PPP2R1B: variants seen among roughly 807,000 people sequenced by gnomAD.
PPP2R1B encodes protein phosphatase 2 scaffold subunit Abeta, also known as serine/threonine-protein phosphatase 2A 65 kDa regulatory subunit A beta isoform.
Under a neutral mutation model 72.7 loss-of-function variants are expected in PPP2R1B, and 58 were observed. The observed-to-expected ratio is 0.80, with a 90% CI of 0.65 to 0.99. The LOEUF is 0.99. PPP2R1B is among the 50% of genes least tolerant of loss of function. PPP2R1B has a pLI of 0.00. For missense variants in PPP2R1B, 695 were observed against 733.6 expected (o/e 0.95, Z 0.61); for synonymous variants, 256 against 264.6 (o/e 0.97, Z 0.32).
At position 111,757,329 on chromosome 11, in the gene PPP2R1B, A is replaced by C. The variant is rs369189076; in HGVS notation, c.688-1879T>G. Reference sequence around the variant, plus strand: ...GACATAACAGTGACTCCAACTTCCAAAATATTACAAATCTTAGAAACTGTG... The same window carrying C: ...GACATAACAGTGACTCCAACTTCCACAATATTACAAATCTTAGAAACTGTG... On this transcript the variant is annotated intron_variant, in intron 5 of 14. Transcript: ENST00000527614. Among the ~76,000 whole-genome samples, 63 of 152,244 alleles carry C rather than the reference A, an allele frequency of 4.1e-4. 2 individuals are homozygous for C. In the South Asian group the frequency reaches 0.013, roughly 32 times the overall value.
Position 111,742,113 on chromosome 11 carries a change from G to A in PPP2R1B, c.1729C>T (p.Gln577Ter). ...ALQGEVKPVLQKLGQDEDMDV... is the reference protein window; with the variant it reads ...ALQGEVKPVL ...ATGTCTTCATCTTGACCTAACTTCT[G>A]TAGTACTGGCTTCACTTCTCCCTGT... is the stretch of plus-strand genomic sequence containing the variant. The change falls in exon 14 of 15, where the codon CAG (glutamine) becomes TAG (stop). Residue 577 changes from glutamine (Q) to a stop codon, truncating the protein, a stop_gained. Coordinates refer to ENST00000527614, the MANE Select transcript of PPP2R1B (RefSeq NM_002716.5). LOFTEE classifies it high-confidence loss of function. 1.2e-6 allele frequency: 2 copies of A among 1,613,752 alleles called. No individual in the cohort carries two copies. Among genetic ancestry groups the A allele is most frequent in the Non-Finnish European group, 1.7e-6 (2 of 1,179,768 alleles).
rs1477162063 is a variant in PPP2R1B, at chr11:111,738,554, T to A, written c.*3042A>T. The A allele has an allele frequency of 3.0e-6, 3 of 985,330 alleles. No individual in the cohort carries two copies. Among genetic ancestry groups the A allele is most frequent in the Non-Finnish European group, 2.4e-6 (2 of 829,960 alleles). The allele number at this position is 985,330 out of a possible 1,614,324, so 61.0% of individuals were successfully genotyped here. On this transcript the variant is annotated 3_prime_UTR_variant, in exon 15 of 15. Coordinates refer to ENST00000527614, the MANE Select transcript of PPP2R1B (RefSeq NM_002716.5). ...ATGCCTGGACAAGCCAGCTCAAAGG[T>A]CAGGCTGCCGTCTCTGTTGAGTCAG...
chr11:111,704,912 T>TG, the PPP2R1B span: 1 of 1,470,226 alleles, frequency 6.8e-7, no homozygotes, highest in Non-Finnish European at 9.0e-7. Flanking sequence ...TCTTTCCTCT[T>TG]TTTTTTTAGG....
chr11:111,724,403 C>A (rs1451940353), downstream of PPP2R1B: 3 of 471,970 alleles, frequency 6.4e-6, no homozygotes, highest in African/African-American at 5.8e-5. Flanking sequence ...GAGGGCAGCA[C>A]TGACAAATGT....
rs150951744 is a variant in PPP2R1B, at chr11:111,762,635, G to A, written c.307-1584C>T. Among the ~76,000 whole-genome samples the A allele has an allele frequency of 3.2e-3, 478 of 151,148 alleles. 4 individuals are homozygous for A. The highest frequency in any genetic ancestry group is 0.011 in the African/African-American group (449 of 41,052). On this transcript the variant is annotated intron_variant, in intron 3 of 14. Transcript: ENST00000527614. The stretch of plus-strand genomic sequence containing the variant: ...CAGTGGCACAATCATGGCTCAGTGC[G>A]GCCTCAGACTCCTCGTCCTTCTGCC...
the PPP2R1B span, among the ~76,000 whole-genome samples, chr11:111,715,905 G>A: frequency 3.5e-5 from 5 of 144,476 alleles, no homozygotes; most frequent in African/African-American, 1.0e-4. Context: ...GGGTTCAAGC[G>A]ATTCTCCTGC....
downstream of PPP2R1B, chr11:111,737,617 T>G: frequency 6.2e-7 from 1 of 1,611,884 alleles, no homozygotes; most frequent in Non-Finnish European, 8.5e-7. Flanking sequence ...CCAGGGCACA[T>G]CCCTCCCAAG....
At chr11:111,761,193 G>C (rs2136108862) in intron 3 of PPP2R1B, 142 bp from the exon 4 acceptor site, 1 of 787,256 alleles carries the variant, frequency 1.3e-6, no homozygotes, top group Admixed American at 2.0e-5. Context: ...GTTACTTTCA[G>C]CTCACACAGT....
At chr11:111,717,313 G>A in the PPP2R1B span, among the ~76,000 whole-genome samples, 5 of 43,586 alleles carry the variant, frequency 1.1e-4, no homozygotes, top group Non-Finnish European at 1.5e-4. Context: ...GCGAGACTCC[G>A]TCTCAAAAAA....
the PPP2R1B span, among the ~76,000 whole-genome samples, chr11:111,710,198 G>T: frequency 6.6e-6 from 1 of 152,182 alleles, no homozygotes; most frequent in Admixed American, 6.5e-5. Flanking sequence ...TTACATAGTA[G>T]CTAGATAATT....
the PPP2R1B span, chr11:111,712,466 TTA>T: frequency 3.6e-6 from 5 of 1,383,754 alleles, no homozygotes; most frequent in East Asian, 5.0e-5. Context: ...TTATTGAACT[TTA>T]TCATTTCGTT....
chr11:111,723,427 T>G, downstream of PPP2R1B: 3 of 1,480,958 alleles, frequency 2.0e-6, no homozygotes. Flanking sequence ...TGACTGGTAT[T>G]GCATTTACAT....
Position 111,741,507 on chromosome 11 carries a change from T to C in PPP2R1B, c.*89A>G. On this transcript the variant is annotated 3_prime_UTR_variant, in exon 15 of 15. Coordinates refer to ENST00000527614, the MANE Select transcript of PPP2R1B (RefSeq NM_002716.5). ...TTTGCTTGGATGAGATCTTGAAGGT[T>C]TTCCATTCTTTCTCCACCCAGTTAA... The C allele has an allele frequency of 6.4e-7, 1 of 1,559,138 alleles. No homozygotes were observed. The highest frequency in any genetic ancestry group is 8.6e-7 in the Non-Finnish European group (1 of 1,158,678).
At chr11:111,716,225 C>T in the PPP2R1B span, among the ~76,000 whole-genome samples, 5 of 152,162 alleles carry the variant, frequency 3.3e-5, no homozygotes, top group Non-Finnish European at 7.3e-5. Context: ...GGAGGTGTTT[C>T]GTGTCTACTT....
downstream of PPP2R1B, chr11:111,721,973 C>T: frequency 6.7e-7 from 1 of 1,483,028 alleles, no homozygotes. Context: ...CCACCTCACT[C>T]TGCTCATCCA....
At chr11:111,737,680 T>A, downstream of PPP2R1B, 1 of 1,547,354 alleles carries the variant, frequency 6.5e-7, no homozygotes, top group Non-Finnish European at 8.7e-7. Context: ...CAGAGTTGGG[T>A]GTCCAGCAGC....
chr11:111,731,437 C>T (rs1944190187), intron 15 of PPP2R1B, among the ~76,000 whole-genome samples: 1 of 152,270 alleles, frequency 6.6e-6, no homozygotes, highest in Non-Finnish European at 1.5e-5. Flanking sequence ...AGGCCCAGCT[C>T]CACGCCCTCA....
chr11:111,740,319 G>C lies in PPP2R1B; in HGVS notation c.*1277C>G, dbSNP rs1379317123. 1 of 880,362 alleles carries C rather than the reference G, an allele frequency of 1.1e-6. No individual in the cohort carries two copies. Among genetic ancestry groups the C allele is most frequent in the East Asian group, 1.2e-4 (1 of 8,258 alleles). 54.5% of individuals were successfully genotyped at this position (880,362 alleles called of 1,614,324 possible). ...TGCAACCTCTACCTCCCAGGTTCAA[G>C]CAATTCTCCTGCCTCAGCCTCCTGA... On this transcript the variant is annotated 3_prime_UTR_variant, in exon 15 of 15. Coordinates refer to ENST00000527614, the MANE Select transcript of PPP2R1B (RefSeq NM_002716.5).
chr11:111,724,369 T>A (rs1289125836), downstream of PPP2R1B: 3 of 550,464 alleles, frequency 5.4e-6, no homozygotes, highest in Non-Finnish European at 9.6e-6. Context: ...GCTCCTGCCC[T>A]TCGGTCGAGT....
Sources: allele counts gnomAD v4.1 joint callset (sites outside exome capture counted in the v4.1 genomes callset), GRCh38; gene constraint gnomAD v4.1.1; transcripts MANE v1.5; gene names NCBI Gene and HGNC (gene_info 2026-07-23, HGNC 2026-07-21).